GABRB2: variants seen among roughly 807,000 people sequenced by gnomAD.
The protein encoded by GABRB2 is gamma-aminobutyric acid receptor subunit beta-2.
Under a neutral mutation model 54.7 loss-of-function variants are expected in GABRB2, and 16 were observed. The observed-to-expected ratio is 0.29, with a 90% CI of 0.20 to 0.44. GABRB2 has a LOEUF of 0.44. Among genes scored for constraint, GABRB2 ranks in the 20% least tolerant of loss-of-function variants. The pLI, the probability that GABRB2 is intolerant of heterozygous loss-of-function variation, is 1.00. For missense variants in GABRB2, 355 were observed against 644.0 expected (o/e 0.55, Z 4.86); for synonymous variants, 244 against 233.8 (o/e 1.04, Z -0.40).
chr5:161,516,882 T>C (rs1334707931), intron 3 of GABRB2, among the ~76,000 whole-genome samples: 3 of 152,150 alleles, frequency 2.0e-5, no homozygotes, highest in African/African-American at 7.2e-5. Flanking sequence ...CTGAAAAACA[T>C]TGGTACCCAT....
chr5:161,362,823 A>G (rs1205633338), intron 5 of GABRB2, among the ~76,000 whole-genome samples: 1 of 152,200 alleles, frequency 6.6e-6, no homozygotes, highest in Non-Finnish European at 1.5e-5. Flanking sequence ...CAAAACCACA[A>G]TGAGATACCA....
rs181534935 is a variant in GABRB2 at position 161,518,085 on chromosome 5, G to A, written c.237+27142C>T. Among the ~76,000 whole-genome samples, 36 of 152,244 alleles carry A rather than the reference G, an allele frequency of 2.4e-4. 1 individual carries two copies. The highest frequency in any genetic ancestry group is 2.4e-3 in the Admixed American group (36 of 15,298). On this transcript the variant is annotated intron_variant, in intron 3 of 9. Transcript: ENST00000393959. ...AGCCTCCCAAAGTGCTAGGATTACC[G>A]GTGTGAGCCACTGCACCTGGCCAAT...
At chr5:161,427,182 C>G (rs1757024822) in intron 4 of GABRB2, among the ~76,000 whole-genome samples, 1 of 152,140 alleles carries the variant, frequency 6.6e-6, no homozygotes, top group Admixed American at 6.6e-5. Context: ...GCTGAATGAA[C>G]TCTGTCTAAC....
intron 3 of GABRB2, among the ~76,000 whole-genome samples, chr5:161,480,521 T>C (rs1406770742): frequency 6.6e-6 from 1 of 151,972 alleles, no homozygotes; most frequent in Non-Finnish European, 1.5e-5. Flanking sequence ...ATTATAAGAA[T>C]TAAAGAGCAG....
chr5:161,516,452 C>G (rs1476243384), intron 3 of GABRB2, among the ~76,000 whole-genome samples: 5 of 152,094 alleles, frequency 3.3e-5, no homozygotes, highest in African/African-American at 1.2e-4. Context: ...TGCATGTAAG[C>G]AGGTTACTCC....
chr5:161,419,319 C>T (rs1041592579), intron 4 of GABRB2, among the ~76,000 whole-genome samples: 2 of 152,002 alleles, frequency 1.3e-5, no homozygotes, highest in African/African-American at 4.8e-5. Context: ...CAGATGTTGG[C>T]AAGGACATGG....
chr5:161,520,153 C>T (rs187377349), intron 3 of GABRB2, among the ~76,000 whole-genome samples: 1 of 152,136 alleles, frequency 6.6e-6, no homozygotes, highest in South Asian at 2.1e-4. Flanking sequence ...AATATAACCA[C>T]ACCTTCCAGC....
intron 4 of GABRB2, among the ~76,000 whole-genome samples, chr5:161,423,130 G>A (rs1756899247): frequency 6.6e-6 from 1 of 151,966 alleles, no homozygotes; most frequent in Non-Finnish European, 1.5e-5. Context: ...GTATTTGCAG[G>A]TTGTTTTTGT....
chr5:161,435,341 G>A (rs767480438), intron 4 of GABRB2, among the ~76,000 whole-genome samples: 6 of 151,708 alleles, frequency 4.0e-5, no homozygotes, highest in Non-Finnish European at 8.8e-5. Flanking sequence ...TGCACAAAAA[G>A]GAATAAATAT....
At chr5:161,396,450 G>C (rs1485736241) in intron 5 of GABRB2, among the ~76,000 whole-genome samples, 2 of 152,204 alleles carry the variant, frequency 1.3e-5, no homozygotes, top group African/African-American at 4.8e-5. Flanking sequence ...GAAGAGAGAG[G>C]TTGTTAAAAC....
intron 9 of GABRB2, among the ~76,000 whole-genome samples, chr5:161,316,654 C>A (rs1350911141): frequency 2.0e-5 from 3 of 152,098 alleles, no homozygotes; most frequent in Admixed American, 2.0e-4. Flanking sequence ...GTTGCCCAGG[C>A]TGGAGTGCAG....
intron 3 of GABRB2, among the ~76,000 whole-genome samples, chr5:161,531,671 T>C (rs555323364): frequency 6.6e-6 from 1 of 152,078 alleles, no homozygotes; most frequent in South Asian, 2.1e-4. Flanking sequence ...CAGACTAATA[T>C]GCAGAACAAA....
At chr5:161,466,074 GCAGT>G (rs1332796807) in intron 3 of GABRB2, among the ~76,000 whole-genome samples, 2 of 151,990 alleles carry the variant, frequency 1.3e-5, no homozygotes, top group Non-Finnish European at 2.9e-5. Flanking sequence ...TTGATGGGTA[GCAGT>G]CAGTTTTTTT....
intron 3 of GABRB2, among the ~76,000 whole-genome samples, chr5:161,533,626 T>A (rs962279128): frequency 6.6e-6 from 1 of 152,134 alleles, no homozygotes; most frequent in South Asian, 2.1e-4. Context: ...TCAAATAATC[T>A]ATAGCAGAAA....
intron 5 of GABRB2, among the ~76,000 whole-genome samples, chr5:161,347,822 G>T (rs1035275370): frequency 2.0e-5 from 3 of 152,102 alleles, no homozygotes; most frequent in Non-Finnish European, 2.9e-5. Flanking sequence ...AATGGAGAAT[G>T]CTGGGTTCTG....
rs546894052 is a variant in GABRB2, at chr5:161,421,842, G to A, written c.459-10785C>T. 2.0e-4 allele frequency among the ~76,000 whole-genome samples: 31 copies of A among 152,238 alleles called. No individual in the cohort carries two copies. In the South Asian group the frequency reaches 5.4e-3, roughly 26 times the overall value. Reference sequence around the variant, plus strand: ...AGGCTTCTTAGGTGAGCTATGATGAGCTGAAATTTTCTATAACATAAAATA... The same window carrying A: ...AGGCTTCTTAGGTGAGCTATGATGAACTGAAATTTTCTATAACATAAAATA... On this transcript the variant is annotated intron_variant, in intron 4 of 9. Coordinates refer to ENST00000393959, the MANE Select transcript of GABRB2 (RefSeq NM_001371727.1).
chr5:161,466,184 A>G (rs1394077499), intron 3 of GABRB2, among the ~76,000 whole-genome samples: 2 of 152,072 alleles, frequency 1.3e-5, no homozygotes, highest in African/African-American at 4.8e-5. Context: ...CACCTAAGCA[A>G]TATTGTATCC....
Position 161,293,844 on chromosome 5 carries a change from A to C in GABRB2, c.*237T>G. 1 of 512,992 alleles carries C rather than the reference A, an allele frequency of 1.9e-6. No homozygotes were observed. Among genetic ancestry groups the C allele is most frequent in the South Asian group, 2.6e-5 (1 of 39,034 alleles). The allele number at this position is 512,992 out of a possible 1,614,324, so 31.8% of individuals were successfully genotyped here. A position where few individuals can be genotyped will look rare whatever the true frequency, so the allele number is the denominator to read the frequency against. Reference sequence around the variant, plus strand: ...ACAACATGGAGCACTCAGGCTGTCTAGCCACCATGTGTAAAAATCACTTGC... The same window carrying C: ...ACAACATGGAGCACTCAGGCTGTCTCGCCACCATGTGTAAAAATCACTTGC... On this transcript the variant is annotated 3_prime_UTR_variant, in exon 10 of 10. Coordinates refer to ENST00000393959, the MANE Select transcript of GABRB2 (RefSeq NM_001371727.1).
chr5:161,492,644 A>G lies in GABRB2; in HGVS notation c.238-32800T>C, dbSNP rs1310528505. Among the ~76,000 whole-genome samples, 4 of 151,712 alleles carry G rather than the reference A, an allele frequency of 2.6e-5. No homozygotes were observed. In the East Asian group the frequency reaches 7.8e-4, roughly 29 times the overall value. The stretch of plus-strand genomic sequence containing the variant: ...AGTTGTAATTTAAATAGTAACAAAG[A>G]CATATTTGGTCATAAATTCTAATAA... On this transcript the variant is annotated intron_variant, in intron 3 of 9. Transcript: ENST00000393959.
Sources: allele counts gnomAD v4.1 joint callset (sites outside exome capture counted in the v4.1 genomes callset), GRCh38; gene constraint gnomAD v4.1.1; transcripts MANE v1.5; gene names NCBI Gene and HGNC (gene_info 2026-07-23, HGNC 2026-07-21).